Variants in EDARADD observed in about 807,000 individuals in gnomAD.
EDARADD encodes the protein EDAR associated via death domain.
Under a neutral mutation model 25.6 loss-of-function variants are expected in EDARADD, and 20 were observed. The observed-to-expected ratio is 0.78, with a 90% CI of 0.55 to 1.14. The LOEUF (loss-of-function observed/expected upper bound fraction) is 1.14. EDARADD is among the 50% of genes most tolerant of loss of function. The pLI is 0.00. For synonymous variants in EDARADD, 86 were observed against 94.4 expected (o/e 0.91, Z 0.52); for missense variants, 225 against 270.1 (o/e 0.83, Z 1.17).
chr1:236,394,650 T>C (rs528745160), intron 1 of EDARADD, 145 bp downstream of exon 1: 18 of 645,480 alleles, frequency 2.8e-5, no homozygotes, highest in Non-Finnish European at 4.3e-5. Flanking sequence ...TCTGTTCTTA[T>C]GTGTGAAGGC....
intron 3 of EDARADD, among the ~76,000 whole-genome samples, chr1:236,353,675 C>CT (rs1181649446): frequency 1.1e-5 from 1 of 91,648 alleles, no homozygotes; most frequent in Non-Finnish European, 1.9e-5. Context: ...GAGACTCCAA[C>CT]TCCAAAAAAA....
intron 4 of EDARADD, among the ~76,000 whole-genome samples, chr1:236,429,219 AT>A (rs754804481): frequency 0.44 from 53,498 of 122,078 alleles, 12,949 homozygotes; most frequent in Non-Finnish European, 0.57. Flanking sequence ...AGAGGGAGAG[AT>A]TTTTTTTTTT....
At position 236,415,774 on chromosome 1, in the gene EDARADD, T is replaced by C. The variant is rs115365146; in HGVS notation, c.160+1475T>C. Among the ~76,000 whole-genome samples, 1,514 of 152,236 alleles carry C rather than the reference T, an allele frequency of 9.9e-3. 26 individuals carry two copies. Among genetic ancestry groups the C allele is most frequent in the African/African-American group, 0.034 (1,407 of 41,542 alleles). ...CCTGTGTTCCTTTATGGAGGCCAAG[T>C]TGCAGGTTGTCACAGTGGGGCCTCT... On this transcript the variant is annotated intron_variant, in intron 3 of 5. Coordinates refer to ENST00000334232, the MANE Select transcript of EDARADD (RefSeq NM_145861.4).
In EDARADD at chr1:236,459,806, G is replaced by T. The variant is rs549920222; in HGVS notation, c.220-8425G>T. On this transcript the variant is annotated intron_variant, in intron 4 of 5. Transcript: ENST00000334232. ...TTTTTGTATTTTTAGTAGAGACGGG[G>T]TTTCACCATGTTAGCCAGACTGGTC... Among the ~76,000 whole-genome samples the T allele has an allele frequency of 3.9e-5, 6 of 151,912 alleles. No individual in the cohort carries two copies. In the South Asian group the frequency reaches 1.3e-3, roughly 32 times the overall value.
intron 2 of EDARADD, among the ~76,000 whole-genome samples, chr1:236,412,659 G>A (rs1232041411): frequency 2.0e-5 from 3 of 152,108 alleles, no homozygotes; most frequent in Non-Finnish European, 4.4e-5. Flanking sequence ...CTTCTTCTGA[G>A]TTCATCCAAT....
chr1:236,417,231 T>C (rs1457366462), intron 3 of EDARADD, among the ~76,000 whole-genome samples: 3 of 152,230 alleles, frequency 2.0e-5, no homozygotes, highest in African/African-American at 7.2e-5. Flanking sequence ...TTTAATTCTA[T>C]AAAGGAAAGA....
At chr1:236,439,659 G>A (rs1658351261) in intron 4 of EDARADD, among the ~76,000 whole-genome samples, 1 of 152,186 alleles carries the variant, frequency 6.6e-6, no homozygotes. Context: ...CTGTGATGAG[G>A]TGTTTGTTAA....
At chr1:236,365,525 T>G (rs1667103928) in intron 3 of EDARADD, among the ~76,000 whole-genome samples, 1 of 152,168 alleles carries the variant, frequency 6.6e-6, no homozygotes, top group African/African-American at 2.4e-5. Context: ...CAGGCTGGTC[T>G]TGAACTCCTG....
chr1:236,433,199 G>A (rs1390810295), intron 4 of EDARADD, among the ~76,000 whole-genome samples: 5 of 151,794 alleles, frequency 3.3e-5, no homozygotes, highest in Admixed American at 6.6e-5. Flanking sequence ...TCCACCACTC[G>A]AATACAATTA....
intron 1 of EDARADD, among the ~76,000 whole-genome samples, chr1:236,400,676 T>C (rs1667597777): frequency 6.6e-6 from 1 of 151,128 alleles, no homozygotes; most frequent in East Asian, 2.0e-4. Context: ...CACCTCAGCC[T>C]CCTGAGTAGC....
chr1:236,448,559 A>C (rs1178464906), intron 4 of EDARADD, among the ~76,000 whole-genome samples: 3 of 152,138 alleles, frequency 2.0e-5, no homozygotes, highest in Non-Finnish European at 2.9e-5. Context: ...ACTCCCCCCA[A>C]AATAAAAGAC....
At chr1:236,479,235 C>A (rs1659597623) in intron 5 of EDARADD, among the ~76,000 whole-genome samples, 1 of 152,136 alleles carries the variant, frequency 6.6e-6, no homozygotes, top group Non-Finnish European at 1.5e-5. Context: ...GTGGCTCATA[C>A]CTGTAATCCC....
At chr1:236,354,251 A>G (rs1393531548) in intron 3 of EDARADD, among the ~76,000 whole-genome samples, 3 of 152,182 alleles carry the variant, frequency 2.0e-5, no homozygotes, top group East Asian at 1.9e-4. Flanking sequence ...ACTTACACAC[A>G]TGAAAGTGCC....
In EDARADD at chr1:236,403,579, G is replaced by A. The variant is rs143731295; in HGVS notation, c.62-5637G>A. Among the ~76,000 whole-genome samples the A allele has an allele frequency of 9.9e-3, 1,505 of 152,290 alleles. 16 individuals are homozygous for A. The highest frequency in any genetic ancestry group is 0.037 in the Middle Eastern group (11 of 294). ...TGGGATTACAGGTGTGAGCCACCACGCCCAGCCTAGAGCTTTGAAAGTTTA... is the reference window on the plus strand; with the variant it reads ...TGGGATTACAGGTGTGAGCCACCACACCCAGCCTAGAGCTTTGAAAGTTTA... On this transcript the variant is annotated intron_variant, in intron 1 of 5. Transcript: ENST00000334232.
At chr1:236,381,800 GC>G (rs1667303166) in intron 3 of EDARADD, among the ~76,000 whole-genome samples, 2 of 16,918 alleles carry the variant, frequency 1.2e-4, no homozygotes, top group African/African-American at 1.8e-4. Flanking sequence ...TCCTGTGGTT[GC>G]TTTTTTTTTT....
At chr1:236,409,539 C>T (rs1294021990) in intron 2 of EDARADD, among the ~76,000 whole-genome samples, 1 of 150,782 alleles carries the variant, frequency 6.6e-6, no homozygotes, top group Non-Finnish European at 1.5e-5. Context: ...TACCCACTTC[C>T]CTGGTTTTTT....
At chr1:236,438,533 G>A (rs969216856) in intron 4 of EDARADD, among the ~76,000 whole-genome samples, 4 of 152,172 alleles carry the variant, frequency 2.6e-5, no homozygotes, top group Non-Finnish European at 5.9e-5. Flanking sequence ...AAAGCAAGTA[G>A]AGAGTCTGAT....
chr1:236,404,356 T>C (rs921938524), intron 1 of EDARADD, among the ~76,000 whole-genome samples: 1 of 152,134 alleles, frequency 6.6e-6, no homozygotes, highest in Non-Finnish European at 1.5e-5. Context: ...TCCAAATAAC[T>C]TCCCTGGTAC....
At chr1:236,448,904 C>T (rs1055799839) in intron 4 of EDARADD, among the ~76,000 whole-genome samples, 1 of 152,158 alleles carries the variant, frequency 6.6e-6, no homozygotes, top group Non-Finnish European at 1.5e-5. Flanking sequence ...CTGACATAAC[C>T]ATGTGTGTCT....
Sources: allele counts gnomAD v4.1 joint callset (sites outside exome capture counted in the v4.1 genomes callset), GRCh38; gene constraint gnomAD v4.1.1; transcripts MANE v1.5; gene names NCBI Gene and HGNC (gene_info 2026-07-23, HGNC 2026-07-21).